PRKAG2: variants seen among roughly 807,000 people sequenced by gnomAD.
PRKAG2 encodes 5'-AMP-activated protein kinase subunit gamma-2.
Under a neutral mutation model 69.6 loss-of-function variants are expected in PRKAG2, and 26 were observed. The ratio of observed to expected loss-of-function variants is 0.37; its 90% CI spans 0.27 to 0.52. PRKAG2 has a LOEUF of 0.52. Among genes scored for constraint, PRKAG2 ranks in the 20% least tolerant of loss-of-function variants. The probability of loss-of-function intolerance (pLI) is 0.90; values close to 1 mark genes in which losing one functional copy is unlikely to be tolerated. For missense variants in PRKAG2, 557 were observed against 740.0 expected, an observed-to-expected ratio of 0.75 and a Z score of 2.87; for synonymous variants, 293 against 285.0, an observed-to-expected ratio of 1.03 and a Z score of -0.28.
chr7:151,795,516 G>A lies in PRKAG2; in HGVS notation c.115-8975C>T, dbSNP rs532315999. 2.6e-4 allele frequency among the ~76,000 whole-genome samples: 40 copies of A among 152,286 alleles called. 1 individual carries two copies. In the East Asian group the frequency reaches 7.4e-3, roughly 28 times the overall value. The stretch of plus-strand genomic sequence containing the variant: ...CTGACCACATCCCATCGTGGAGTCA[G>A]TAACGGTTAATTTGATGTGTCAGCC... On this transcript the variant is annotated intron_variant, in intron 1 of 15. Transcript: ENST00000287878.
chr7:151,830,662 C>T (rs1457195337), intron 1 of PRKAG2, among the ~76,000 whole-genome samples: 1 of 150,256 alleles, frequency 6.7e-6, no homozygotes, highest in African/African-American at 2.4e-5. Flanking sequence ...GCCCCGGGGG[C>T]GGGGGGAAGA....
rs1441723146 is a variant in PRKAG2 at position 151,756,566 on chromosome 7, C to T, written c.466+24586G>A. ...CCCTGCTGCCATGTGTCCAGGCTCC[C>T]GCTGGGCAGGAGACAGGGAGACACC... On this transcript the variant is annotated intron_variant, in intron 3 of 15. Transcript: ENST00000287878. This position sits in a 1 kb window ranked among gnomAD's most constrained non-coding sequence, Gnocchi z 4.9. 9.2e-5 allele frequency among the ~76,000 whole-genome samples: 14 copies of T among 152,208 alleles called. No individual in the cohort carries two copies. Among genetic ancestry groups the T allele is most frequent in the Admixed American group, 9.2e-4 (14 of 15,292 alleles).
chr7:151,821,224 T>G (rs2078771769), intron 1 of PRKAG2, among the ~76,000 whole-genome samples: 1 of 152,202 alleles, frequency 6.6e-6, no homozygotes, highest in East Asian at 1.9e-4. Flanking sequence ...CAAGATCAGG[T>G]AAAAATCAGA....
At chr7:151,748,703 A>G (rs2074460672) in intron 3 of PRKAG2, among the ~76,000 whole-genome samples, 1 of 152,246 alleles carries the variant, frequency 6.6e-6, no homozygotes, top group African/African-American at 2.4e-5. Flanking sequence ...AAATGGTGAT[A>G]AGTATCTATA....
chr7:151,829,169 C>T (rs186376797), intron 1 of PRKAG2, among the ~76,000 whole-genome samples: 2 of 152,274 alleles, frequency 1.3e-5, no homozygotes, highest in East Asian at 1.9e-4. Flanking sequence ...AACTGTTCAA[C>T]TCAATAGTAA....
chr7:151,748,436 G>T (rs934346119), intron 3 of PRKAG2, among the ~76,000 whole-genome samples: 4 of 152,068 alleles, frequency 2.6e-5, no homozygotes, highest in African/African-American at 9.7e-5. Flanking sequence ...GAAGGTGTGG[G>T]GTGGGACATT....
At chr7:151,834,285 A>G (rs963118244) in intron 1 of PRKAG2, among the ~76,000 whole-genome samples, 1 of 152,196 alleles carries the variant, frequency 6.6e-6, no homozygotes, top group African/African-American at 2.4e-5. Flanking sequence ...TACACCCAAG[A>G]TGACCTGAGC....
intron 5 of PRKAG2, among the ~76,000 whole-genome samples, chr7:151,599,523 C>A (rs1815469901): frequency 6.6e-6 from 1 of 152,176 alleles, no homozygotes; most frequent in African/African-American, 2.4e-5. Context: ...ACAGCAGTCC[C>A]TAGGACTGGT....
At chr7:151,621,446 G>T (rs1253076205) in intron 5 of PRKAG2, among the ~76,000 whole-genome samples, 1 of 152,140 alleles carries the variant, frequency 6.6e-6, no homozygotes, top group Non-Finnish European at 1.5e-5. Context: ...ACTTCGGGAG[G>T]CTGATGTGGA....
chr7:151,673,838 C>CTTTTTTTTTTTTT (rs57744338), intron 4 of PRKAG2, among the ~76,000 whole-genome samples: 1 of 87,592 alleles, frequency 1.1e-5, no homozygotes. Context: ...AGCTTGTGTT[C>CTTTTTTTTTTTTT]TTTTTTTTTT....
At chr7:151,793,100 G>T (rs2077341696) in intron 1 of PRKAG2, among the ~76,000 whole-genome samples, 1 of 152,244 alleles carries the variant, frequency 6.6e-6, no homozygotes, top group South Asian at 2.1e-4. Flanking sequence ...ACCCACTGAA[G>T]CGGACAACAA....
At chr7:151,591,093 C>T (rs1813010995) in intron 6 of PRKAG2, among the ~76,000 whole-genome samples, 1 of 152,238 alleles carries the variant, frequency 6.6e-6, no homozygotes, top group African/African-American at 2.4e-5. Context: ...ACACTCCCTC[C>T]TGGAGCCCCT....
chr7:151,873,665 C>T lies in PRKAG2; in HGVS notation c.114+2842G>A, dbSNP rs899088067. On this transcript the variant is annotated intron_variant, in intron 1 of 15. Coordinates refer to ENST00000287878, the MANE Select transcript of PRKAG2 (RefSeq NM_016203.4). ...GCGGTGGGCTGGCTCATGCCAAGAACGTTATGAAAAGCTGCCAAAGTCACC... is the reference window on the plus strand; with the variant it reads ...GCGGTGGGCTGGCTCATGCCAAGAATGTTATGAAAAGCTGCCAAAGTCACC... 7.9e-5 allele frequency among the ~76,000 whole-genome samples: 12 copies of T among 152,316 alleles called. No individual in the cohort carries two copies. The East Asian group carries it at 1.2e-3, about 15-fold the overall frequency.
chr7:151,741,327 A>C (rs1006933918), intron 3 of PRKAG2, among the ~76,000 whole-genome samples: 1 of 152,212 alleles, frequency 6.6e-6, no homozygotes, highest in African/African-American at 2.4e-5. Flanking sequence ...AGGAAAATGA[A>C]AAGGTTTTGT....
intron 5 of PRKAG2, among the ~76,000 whole-genome samples, chr7:151,613,865 C>T (rs977147810): frequency 1.5e-5 from 2 of 130,306 alleles, no homozygotes; most frequent in South Asian, 2.6e-4. Flanking sequence ...GTGCAGTGGA[C>T]GATCTCGGCT....
intron 4 of PRKAG2, among the ~76,000 whole-genome samples, chr7:151,644,856 C>T (rs1488532593): frequency 6.6e-6 from 1 of 152,160 alleles, no homozygotes; most frequent in Non-Finnish European, 1.5e-5. Flanking sequence ...GGTCTCTTAA[C>T]ATTTTTTATC....
In PRKAG2 at chr7:151,717,810, T is replaced by C. The variant is rs184956151; in HGVS notation, c.467-42173A>G. 4.2e-3 allele frequency among the ~76,000 whole-genome samples: 645 copies of C among 152,332 alleles called. 2 individuals carry two copies. The highest frequency in any genetic ancestry group is 0.015 in the African/African-American group (603 of 41,580). ...TAGTGGGGTTTTTCAGCCTATAAAG[T>C]TGATGAGCCACCCTGAGCCTTGGGG... On this transcript the variant is annotated intron_variant, in intron 3 of 15. Transcript: ENST00000287878.
At chr7:151,691,636 C>T (rs1329246241) in intron 3 of PRKAG2, among the ~76,000 whole-genome samples, 1 of 152,146 alleles carries the variant, frequency 6.6e-6, no homozygotes, top group African/African-American at 2.4e-5. Flanking sequence ...CCTACTAGAC[C>T]AGCTAACGTC....
intron 3 of PRKAG2, among the ~76,000 whole-genome samples, chr7:151,702,035 G>A (rs1327356044): frequency 6.6e-6 from 1 of 152,106 alleles, no homozygotes; most frequent in African/African-American, 2.4e-5. Context: ...GTGCTCTGTT[G>A]TGTATGGTAG....
Sources: gnomAD v4.1 joint callset for allele counts (sites outside exome capture counted in the v4.1 genomes callset) on GRCh38, gnomAD v4.1.1 for gene constraint, Gnocchi (gnomAD v3.1) non-coding constraint, MANE v1.5 for transcripts, NCBI Gene and HGNC (gene_info 2026-07-23, HGNC 2026-07-21) for gene names.